TTC39C: variants seen among roughly 807,000 people sequenced by gnomAD.
TTC39C encodes tetratricopeptide repeat protein 39C.
In TTC39C, 33 loss-of-function variants were observed where a neutral mutation model predicts 76.3. The ratio of observed to expected loss-of-function variants is 0.43; its 90% CI spans 0.33 to 0.58. TTC39C has a LOEUF of 0.58. Among genes scored for constraint, TTC39C ranks in the 20% least tolerant of loss-of-function variants. The pLI is 0.04. For missense variants in TTC39C, 595 were observed against 701.4 expected (o/e 0.85, Z 1.71); for synonymous variants, 254 against 260.6 (o/e 0.97, Z 0.24).
chr18:24,047,853 A>G (rs1457567311), intron 1 of TTC39C, among the ~76,000 whole-genome samples: 3 of 152,358 alleles, frequency 2.0e-5, no homozygotes, highest in African/African-American at 2.4e-5. Context: ...TAACAAAAAT[A>G]TATGAACCTG....
At position 24,028,915 on chromosome 18, in the gene TTC39C, G is replaced by T. The variant is rs181956906; in HGVS notation, c.167+13877G>T. 2.9e-3 allele frequency among the ~76,000 whole-genome samples: 448 copies of T among 152,066 alleles called. 3 individuals are homozygous for T. Among genetic ancestry groups the T allele is most frequent in the African/African-American group, 0.01 (424 of 41,474 alleles). ...TTTTTGTATTTTTAGTAGAGACGGG[G>T]TTTCACCATATTGATCAGGCTAGTC... On this transcript the variant is annotated intron_variant, in intron 1 of 13. Coordinates refer to ENST00000317571, the MANE Select transcript of TTC39C (RefSeq NM_001135993.2).
Position 24,127,346 on chromosome 18 carries a change from G to A in TTC39C, c.1421-1540G>A, listed in dbSNP as rs183354549. Among the ~76,000 whole-genome samples, 493 of 152,156 alleles carry A rather than the reference G, an allele frequency of 3.2e-3. 2 individuals carry two copies. Among genetic ancestry groups the A allele is most frequent in the African/African-American group, 0.012 (481 of 41,504 alleles). On this transcript the variant is annotated intron_variant, in intron 10 of 13. Coordinates refer to ENST00000317571, the MANE Select transcript of TTC39C (RefSeq NM_001135993.2). ...ATAAGCATTTATTAAACTCTGCATC[G>A]TGCCCTCCCAGTTTTGTGCATTTAG...
At chr18:23,993,844 G>A (rs533096323) in intron 1 of TTC39C, among the ~76,000 whole-genome samples, 16 of 152,290 alleles carry the variant, frequency 1.1e-4, no homozygotes, top group African/African-American at 3.4e-4. Context: ...GACATTAGAT[G>A]TTTTGGTATT....
At chr18:24,044,630 A>G (rs2083840693) in intron 1 of TTC39C, among the ~76,000 whole-genome samples, 1 of 152,218 alleles carries the variant, frequency 6.6e-6, no homozygotes, top group South Asian at 2.1e-4. Flanking sequence ...AAGAAAGGTC[A>G]GGACCGTCAG....
intron 7 of TTC39C, among the ~76,000 whole-genome samples, chr18:24,117,154 A>G (rs2084903988): frequency 6.6e-6 from 1 of 152,144 alleles, no homozygotes; most frequent in Non-Finnish European, 1.5e-5. Context: ...CAAGGTTGTC[A>G]TAAGGATTAG....
At chr18:24,097,119 T>C (rs1208654073) in intron 6 of TTC39C, among the ~76,000 whole-genome samples, 1 of 152,234 alleles carries the variant, frequency 6.6e-6, no homozygotes, top group African/African-American at 2.4e-5. Context: ...TGGAGGACTC[T>C]CTGGTGAAGC....
chr18:24,029,750 G>A (rs115441323), intron 1 of TTC39C, among the ~76,000 whole-genome samples: 2,113 of 152,242 alleles, frequency 0.014, 40 homozygotes, highest in African/African-American at 0.047. Flanking sequence ...GAGAACATAC[G>A]ATGTTTGGTT....
rs1192569987 is a variant in TTC39C at position 24,080,745 on chromosome 18, G to A, written c.621G>A (p.Val207=). 1 of 1,614,170 alleles carries A rather than the reference G, an allele frequency of 6.2e-7. No homozygotes were observed. The highest frequency in any genetic ancestry group is 1.7e-5 in the Admixed American group (1 of 60,026). Residue 207 remains valine (V), a synonymous_variant, in exon 5 of 14, where the codon GTG becomes GTA. Coordinates refer to ENST00000317571, the MANE Select transcript of TTC39C (RefSeq NM_001135993.2). ...ANDNHIVAEG[V]SEESLNRLKG... ...ATAATCACATTGTGGCTGAAGGGGTGTCTGAGGAGTCTCTGAACAGACTGA... is the reference window on the plus strand; with the variant it reads ...ATAATCACATTGTGGCTGAAGGGGTATCTGAGGAGTCTCTGAACAGACTGA...
intron 6 of TTC39C, among the ~76,000 whole-genome samples, chr18:24,107,657 C>T (rs915572635): frequency 1.3e-5 from 2 of 152,218 alleles, no homozygotes; most frequent in East Asian, 3.8e-4. Context: ...CAAGGCCTCC[C>T]CAGCCATGTG....
Position 24,132,625 on chromosome 18 carries a change from A to C in TTC39C, c.*51A>C, listed in dbSNP as rs2085147034. ...CTCCCCACCCAGGGTCCGCACTTTAAAATAAAAGCAGAGGACAAAGCTCTT... is the reference window on the plus strand; with the variant it reads ...CTCCCCACCCAGGGTCCGCACTTTACAATAAAAGCAGAGGACAAAGCTCTT... On this transcript the variant is annotated 3_prime_UTR_variant, in exon 14 of 14. Transcript: ENST00000317571. 1.3e-6 allele frequency: 2 copies of C among 1,504,586 alleles called. No homozygotes were observed. Among genetic ancestry groups the C allele is most frequent in the Non-Finnish European group, 1.8e-6 (2 of 1,094,636 alleles). The allele number at this position is 1,504,586 out of a possible 1,614,324, so 93.2% of individuals were successfully genotyped here.
At chr18:24,064,351 T>G (rs2084140085) in intron 2 of TTC39C, among the ~76,000 whole-genome samples, 163 bp downstream of exon 2, 1 of 152,234 alleles carries the variant, frequency 6.6e-6, no homozygotes, top group African/African-American at 2.4e-5. Flanking sequence ...TGAAATAATC[T>G]GCCTTCCCTA....
chr18:24,121,779 CT>C (rs1005110252), intron 8 of TTC39C, among the ~76,000 whole-genome samples: 25 of 152,128 alleles, frequency 1.6e-4, no homozygotes, highest in Non-Finnish European at 2.6e-4. Context: ...GAAATATATT[CT>C]TTTTCATTGA....
At chr18:24,087,391 G>A (rs1000330395) in intron 6 of TTC39C, among the ~76,000 whole-genome samples, 40 of 152,234 alleles carry the variant, frequency 2.6e-4, no homozygotes, top group South Asian at 2.1e-4. Flanking sequence ...TATGTGACAT[G>A]TAAGGATTTG....
At chr18:24,101,568 A>C (rs1329625555) in intron 6 of TTC39C, among the ~76,000 whole-genome samples, 1 of 152,186 alleles carries the variant, frequency 6.6e-6, no homozygotes, top group African/African-American at 2.4e-5. Flanking sequence ...AAAAAAAAAA[A>C]AAACATCCAC....
intron 6 of TTC39C, among the ~76,000 whole-genome samples, chr18:24,094,775 G>A (rs1053945284): frequency 1.3e-5 from 2 of 152,214 alleles, no homozygotes; most frequent in Non-Finnish European, 2.9e-5. Context: ...CAGATGTGCT[G>A]TCATTCAGGC....
intron 3 of TTC39C, 57 bp downstream of exon 3, chr18:24,066,197 T>C: frequency 6.5e-7 from 1 of 1,540,390 alleles, no homozygotes; most frequent in East Asian, 2.5e-5. Context: ...AATATCACTT[T>C]TGTTCATTTA....
chr18:24,074,157 T>A (rs1430289219), intron 4 of TTC39C, among the ~76,000 whole-genome samples: 1 of 152,210 alleles, frequency 6.6e-6, no homozygotes, highest in African/African-American at 2.4e-5. Flanking sequence ...CATAGACATA[T>A]AAGTTAGTTA....
At chr18:24,047,492 C>T (rs2083899259) in intron 1 of TTC39C, among the ~76,000 whole-genome samples, 1 of 152,140 alleles carries the variant, frequency 6.6e-6, no homozygotes, top group South Asian at 2.1e-4. Context: ...TATTTAATAG[C>T]ACTTCTTCTC....
At chr18:24,009,635 C>T (rs2083380450) in intron 1 of TTC39C, among the ~76,000 whole-genome samples, 1 of 152,166 alleles carries the variant, frequency 6.6e-6, no homozygotes, top group Admixed American at 6.5e-5. Flanking sequence ...GACCTGCAGT[C>T]ACACTCAAAG....
Sources: allele counts gnomAD v4.1 joint callset (sites outside exome capture counted in the v4.1 genomes callset), GRCh38; gene constraint gnomAD v4.1.1; transcripts MANE v1.5; gene names NCBI Gene and HGNC (gene_info 2026-07-23, HGNC 2026-07-21).